The following IRF7 variants were observed in gnomAD, a reference collection of about 807,000 sequenced individuals.
IRF7 encodes interferon regulatory factor 7, also known as interferon regulatory factor-7H.
IRF7 carries 67 observed loss-of-function variants against 51.3 expected under a neutral mutation model. The ratio of observed to expected loss-of-function variants is 1.31; its 90% confidence interval spans 1.07 to 1.60. The LOEUF is 1.60. Ranked by LOEUF, IRF7 falls within the 40% of genes most tolerant of loss-of-function variation. The probability of loss-of-function intolerance (pLI) is 0.00; values close to 1 mark genes in which losing one functional copy is unlikely to be tolerated. For missense variants in IRF7, 873 were observed against 701.5 expected (o/e 1.24, Z -2.76); for synonymous variants, 427 against 301.3 (o/e 1.42, Z -4.32).
chr11:615,045 G>C (rs1252931088), intron 3 of IRF7, 38 bp from the exon 4 acceptor site: 2 of 1,550,754 alleles, frequency 1.3e-6, no homozygotes, highest in Non-Finnish European at 1.7e-6. Flanking sequence ...CGGGCCCGCG[G>C]GGTCCTAGGC....
chr11:615,770 C>CGCCTCG (rs1318567104), intron 1 of IRF7, 123 bp from the exon 2 acceptor site: 7 of 215,046 alleles, frequency 3.3e-5, no homozygotes, highest in African/African-American at 1.6e-4. Flanking sequence ...CGCGGAACCC[C>CGCCTCG]GCCTCCGCCT....
chr11:615,241 C>A lies in IRF7; in HGVS notation c.39G>T (p.Leu13=). The A allele has an allele frequency of 6.3e-7, 1 of 1,588,054 alleles. No homozygotes were observed. Residue 13 remains leucine, a synonymous_variant, in exon 3 of 11, where the codon CTG becomes CTT. Transcript: ENST00000525445. ...TCTCTCCAAGGAGCCACTCTCCGAA[C>A]AGCACGCGTGGGGCTGCCCTGCGGG... is the stretch of plus-strand genomic sequence containing the variant. ...LAPERAAPRV[L]FGEWLLGEIS...
chr11:613,881 A>G lies in IRF7; in HGVS notation c.767-16T>C, dbSNP rs1019702847. On this transcript the variant is annotated splice_polypyrimidine_tract_variant and intron_variant, in intron 7 of 10. Coordinates refer to ENST00000525445, the MANE Select transcript of IRF7 (RefSeq NM_001572.5). ...GCGGCCTCGCCTGCATCCGGAAGGGAATCCTGTGCTGGCACCTCATCCCTA... is the reference window on the plus strand; with the variant it reads ...GCGGCCTCGCCTGCATCCGGAAGGGGATCCTGTGCTGGCACCTCATCCCTA... The G allele has an allele frequency of 6.3e-7, 1 of 1,598,772 alleles. No individual in the cohort carries two copies. Among genetic ancestry groups the G allele is most frequent in the African/African-American group, 1.3e-5 (1 of 74,590 alleles).
Position 612,981 on chromosome 11 carries a change from T to G in IRF7, c.1356+18A>C. ...GGCCTGAGCACATGGCCTCCCCTCCTTGAGGCTCTGGTCTCACCTTCACCA... is the reference window on the plus strand; with the variant it reads ...GGCCTGAGCACATGGCCTCCCCTCCGTGAGGCTCTGGTCTCACCTTCACCA... On this transcript the variant is annotated intron_variant, in intron 10 of 10. Transcript: ENST00000525445. 1 of 1,610,972 alleles carries G rather than the reference T, an allele frequency of 6.2e-7. No individual in the cohort carries two copies. The highest frequency in any genetic ancestry group is 8.5e-7 in the Non-Finnish European group (1 of 1,178,180).
At position 615,172 on chromosome 11, in the gene IRF7, G is replaced by A; in HGVS notation, c.108C>T (p.Ala36=). 3 of 1,604,256 alleles carry A rather than the reference G, an allele frequency of 1.9e-6. No homozygotes were observed. Among genetic ancestry groups the A allele is most frequent in the Non-Finnish European group, 2.5e-6 (3 of 1,179,026 alleles). ...TCCAGGGCACGCGGAAACAGGTGCG[G>A]GCCTCGTCCAGCCACTGCAGCCCCT... ...CYEGLQWLDE[A]RTCFRVPWKH... Residue 36 remains alanine, a synonymous_variant, in exon 3 of 11, where the codon GCC becomes GCT. Transcript: ENST00000525445.
chr11:614,897 T>C lies in IRF7; in HGVS notation c.294A>G (p.Ala98=), dbSNP rs746951093. 35 of 1,587,202 alleles carry C rather than the reference T, an allele frequency of 2.2e-5. 1 individual carries two copies. In the South Asian group the frequency reaches 3.4e-4, roughly 16 times the overall value. ...RAGWKTNFRC[A]LRSTRRFVML... ...TCACGAAGCGACGCGTGCTGCGCAGTGCGCAGCGGAAGTTGGTTTTCCAGC... is the reference window on the plus strand; with the variant it reads ...TCACGAAGCGACGCGTGCTGCGCAGCGCGCAGCGGAAGTTGGTTTTCCAGC... The change falls in exon 4 of 11, where the codon GCA becomes GCG. Residue 98 remains alanine, a synonymous_variant. Transcript: ENST00000525445.
chr11:613,464 G>A lies in IRF7; in HGVS notation c.979C>T (p.Gln327Ter). Residue 327 changes from glutamine to a stop codon, truncating the protein, a stop_gained, in exon 9 of 11, where the codon CAG (glutamine) becomes TAG (stop). Transcript: ENST00000525445. LOFTEE classifies it high-confidence loss of function. ...PDPAVRATDP[Q>*]QVAFPSPAEL... ...GCAGGGCTGGGGAATGCTACCTGCTGGGGGTCTGTGGCCCGGACAGCTGGG... is the reference window on the plus strand; with the variant it reads ...GCAGGGCTGGGGAATGCTACCTGCTAGGGGTCTGTGGCCCGGACAGCTGGG... The A allele has an allele frequency of 6.5e-7, 1 of 1,547,204 alleles. No homozygotes were observed. Among genetic ancestry groups the A allele is most frequent in the Non-Finnish European group, 8.7e-7 (1 of 1,147,884 alleles).
In IRF7 at chr11:613,776, T is replaced by C. The variant is rs1447475728; in HGVS notation, c.847+9A>G. On this transcript the variant is annotated intron_variant, in intron 8 of 10. Transcript: ENST00000525445. Reference sequence around the variant, plus strand: ...GGGGACAGGCTGCCCCTTCCTGGGATGCACTCACCTTGCACCGCGGTGCAG... The same window carrying C: ...GGGGACAGGCTGCCCCTTCCTGGGACGCACTCACCTTGCACCGCGGTGCAG... 5 of 1,543,310 alleles carry C rather than the reference T, an allele frequency of 3.2e-6. No homozygotes were observed. Among genetic ancestry groups the C allele is most frequent in the Middle Eastern group, 1.9e-4 (1 of 5,380 alleles).
Position 613,267 on chromosome 11 carries a change from T to C in IRF7, c.1176A>G (p.Pro392=). The C allele has an allele frequency of 6.2e-7, 1 of 1,603,600 alleles. No individual in the cohort carries two copies. The highest frequency in any genetic ancestry group is 8.5e-7 in the Non-Finnish European group (1 of 1,175,738). The change falls in exon 9 of 11, where the codon CCA becomes CCG. Residue 392 remains proline, a synonymous_variant. Coordinates refer to ENST00000525445, the MANE Select transcript of IRF7 (RefSeq NM_001572.5). ...CACAGTTCCGAGGCAGCAGGCAGGC[T>C]GGGGTGGAGGGGCTGGCGGAGCCTG... The part of the protein sequence containing the change: ...GPPGSASPST[P]ACLLPRNCDT...
rs531470969 is a variant in IRF7 at position 615,376 on chromosome 11, C to T, written c.-12G>A. On this transcript the variant is annotated 5_prime_UTR_variant, in exon 2 of 11. Transcript: ENST00000525445. ...GGAGCCAAGGCCATTGCTCCTTCTG[C>T]AGGGGCAGTTAGGTGGCGGTCAGGT... The T allele has an allele frequency of 1.5e-5, 22 of 1,496,776 alleles. No homozygotes were observed. Among genetic ancestry groups the T allele is most frequent in the Admixed American group, 4.5e-5 (2 of 44,362 alleles). The allele number at this position is 1,496,776 out of a possible 1,614,324, so 92.7% of individuals were successfully genotyped here. A position where few individuals can be genotyped will look rare whatever the true frequency, so the allele number is the denominator to read the frequency against.
Position 615,093 on chromosome 11 carries a change from C to G in IRF7, c.183+4G>C, listed in dbSNP as rs1009903515. On this transcript the variant is annotated splice_donor_region_variant and intron_variant, in intron 3 of 10. Transcript: ENST00000525445. ...CCGGGGCGGGGCGGGGCTGGGGTCC[C>G]CACCTTGAAGATGCGCGCGTCGGCC... 1.9e-6 allele frequency: 3 copies of G among 1,581,186 alleles called. No individual in the cohort carries two copies. The highest frequency in any genetic ancestry group is 2.6e-6 in the Non-Finnish European group (3 of 1,169,926).
At position 613,991 on chromosome 11, in the gene IRF7, C is replaced by T. The variant is rs1224884010; in HGVS notation, c.726G>A (p.Thr242=). The T allele has an allele frequency of 3.1e-6, 5 of 1,608,164 alleles. No individual in the cohort carries two copies. Among genetic ancestry groups the T allele is most frequent in the African/African-American group, 1.3e-5 (1 of 74,688 alleles). The change falls in exon 7 of 11, where the codon ACG becomes ACA. Residue 242 remains threonine (T), a synonymous_variant. Transcript: ENST00000525445. ...AGELYGWAVE[T]TPSPGPQPAA... Reference sequence around the variant, plus strand: ...CGGGCTGGGGCCCGGGGCTGGGGGTCGTCTCTACTGCCCACCCGTACAGCT... The same window carrying T: ...CGGGCTGGGGCCCGGGGCTGGGGGTTGTCTCTACTGCCCACCCGTACAGCT...
Position 612,605 on chromosome 11 carries a change from G to A in IRF7, c.*40C>T. Reference sequence around the variant, plus strand: ...TGGGCGGCCGCGGCCAGCTCTAGGTGGGCTGCTCCAGCTTTCTGGAGTTCT... The same window carrying A: ...TGGGCGGCCGCGGCCAGCTCTAGGTAGGCTGCTCCAGCTTTCTGGAGTTCT... On this transcript the variant is annotated 3_prime_UTR_variant, in exon 11 of 11. Transcript: ENST00000525445. 6.2e-7 allele frequency: 1 copy of A among 1,607,676 alleles called. No individual in the cohort carries two copies. Among genetic ancestry groups the A allele is most frequent in the Non-Finnish European group, 8.5e-7 (1 of 1,177,614 alleles).
Position 612,715 on chromosome 11 carries a change from C to T in IRF7, c.1442G>A (p.Cys481Tyr). The T allele has an allele frequency of 6.2e-7, 1 of 1,612,932 alleles. No homozygotes were observed. Among genetic ancestry groups the T allele is most frequent in the South Asian group, 1.1e-5 (1 of 91,088 alleles). ...ATAGAGGCTGTTGGCGCTGGACAGGCAGAGGCTGAGGCTGCTGCTATCCAG... is the reference window on the plus strand; with the variant it reads ...ATAGAGGCTGTTGGCGCTGGACAGGTAGAGGCTGAGGCTGCTGCTATCCAG... ...SSLDSSSLSLCLSSANSLYDD... is the reference protein window; with the variant it reads ...SSLDSSSLSLYLSSANSLYDD... The change falls in exon 11 of 11, where the codon TGC (cysteine) becomes TAC (tyrosine). Residue 481 changes from cysteine to tyrosine, a missense_variant. Cys to Tyr is a radical substitution (Grantham distance 194). Coordinates refer to ENST00000525445, the MANE Select transcript of IRF7 (RefSeq NM_001572.5).
At chr11:612,930 C>CT in intron 10 of IRF7, 69 bp downstream of exon 10, 1 of 1,589,404 alleles carries the variant, frequency 6.3e-7, no homozygotes, top group Non-Finnish European at 8.6e-7. Context: ...CTCCGAGGCT[C>CT]TGAGGGCATC....
Position 614,790 on chromosome 11 carries a change from C to A in IRF7, c.394+7G>T, listed in dbSNP as rs1401739831. The A allele has an allele frequency of 1.3e-6, 2 of 1,532,674 alleles. No individual in the cohort carries two copies. Among genetic ancestry groups the A allele is most frequent in the African/African-American group, 1.4e-5 (1 of 72,432 alleles). The allele number at this position is 1,532,674 out of a possible 1,614,324, so 94.9% of individuals were successfully genotyped here. ...TGCCAACGCCCTTGGCAGCCGGCGT[C>A]GCTCACCTCGCCAGCACAGCTCCCG... On this transcript the variant is annotated splice_region_variant and intron_variant, in intron 4 of 10. Coordinates refer to ENST00000525445, the MANE Select transcript of IRF7 (RefSeq NM_001572.5).
Position 613,491 on chromosome 11 carries a change from C to CT in IRF7, c.951dup (p.Asp318ArgfsTer84). 6.5e-7 allele frequency: 1 copy of CT among 1,543,650 alleles called. No individual in the cohort carries two copies. The highest frequency in any genetic ancestry group is 8.7e-7 in the Non-Finnish European group (1 of 1,146,954). On this transcript the variant is annotated frameshift_variant, in exon 9 of 11. Transcript: ENST00000525445. LOFTEE classifies it high-confidence loss of function. ...GGGTCTGTGGCCCGGACAGCTGGGT[C>CT]TGGGGGGCCGTATAGGAACGTGCAG...
chr11:613,701 G>T, intron 8 of IRF7, 84 bp downstream of exon 8: 1 of 767,150 alleles, frequency 1.3e-6, no homozygotes, highest in Non-Finnish European at 1.8e-6. Flanking sequence ...GCGGGGACAG[G>T]ATGTGAGTGA....
rs771059701 is a variant in IRF7, at chr11:612,585, G to A, written c.*60C>T. 82 of 1,587,640 alleles carry A rather than the reference G, an allele frequency of 5.2e-5. No homozygotes were observed. Among genetic ancestry groups the A allele is most frequent in the Middle Eastern group, 5.0e-4 (3 of 5,980 alleles). ...TGGAGTTCTTTTTATTAGACTGGGC[G>A]GCCGCGGCCAGCTCTAGGTGGGCTG... On this transcript the variant is annotated 3_prime_UTR_variant, in exon 11 of 11. Transcript: ENST00000525445.
Sources: allele counts gnomAD v4.1 joint callset, GRCh38; gene constraint gnomAD v4.1.1; transcripts MANE v1.5; gene names NCBI Gene and HGNC (gene_info 2026-07-23, HGNC 2026-07-21).